The following TRAF6 variants were observed in gnomAD, a reference collection of about 807,000 sequenced individuals.
TRAF6 encodes TNF receptor-associated factor 6.
In TRAF6, 10 loss-of-function variants were observed where a neutral mutation model predicts 48.4. The observed-to-expected ratio is 0.21, with a 90% CI of 0.13 to 0.35. The LOEUF is 0.35. TRAF6 is among the 10% of genes least tolerant of loss of function. The pLI is 1.00. For synonymous variants in TRAF6, 186 were observed against 219.6 expected (o/e 0.85, Z 1.35); for missense variants, 397 against 661.0 (o/e 0.60, Z 4.38).
In TRAF6 at chr11:36,490,512, T is replaced by C. The variant is rs767244798; in HGVS notation, c.895A>G (p.Ile299Val). 2 of 1,614,000 alleles carry C rather than the reference T, an allele frequency of 1.2e-6. No individual in the cohort carries two copies. Among genetic ancestry groups the C allele is most frequent in the South Asian group, 1.1e-5 (1 of 91,076 alleles). The change falls in exon 7 of 7, where the codon ATT (isoleucine) becomes GTT (valine). Residue 299 changes from isoleucine to valine, a missense_variant. By Grantham distance (29) the Ile-to-Val change is conservative (BLOSUM62 3). Transcript: ENST00000526995. The surrounding 1 kb of genome is among the most constrained non-coding windows in gnomAD (Gnocchi z 6.4). ...ACAAGGCGACCCTCTAACTGGTGAA[T>C]AGTTTCCTGGAAATTCCGGACCTCT... ...ISEVRNFQET[I>V]HQLEGRLVRQ...
chr11:36,502,371 AT>A (rs1859729783), intron 1 of TRAF6, among the ~76,000 whole-genome samples: 1 of 152,364 alleles, frequency 6.6e-6, no homozygotes, highest in South Asian at 2.1e-4. Flanking sequence ...AGCAGATGAG[AT>A]ATCCTCAAAT....
Position 36,504,962 on chromosome 11 carries a change from G to A in TRAF6, c.-22-3425C>T, listed in dbSNP as rs184639504. 8.5e-4 allele frequency among the ~76,000 whole-genome samples: 130 copies of A among 152,296 alleles called. 1 individual carries two copies. The highest frequency in any genetic ancestry group is 1.9e-4 in the Non-Finnish European group (13 of 68,030). On this transcript the variant is annotated intron_variant, in intron 1 of 6. Transcript: ENST00000526995. Reference sequence around the variant, plus strand: ...CATCTCTCTTTCCTGAACAGTTCTTGACAGTGGGCTTAAAATATTCAGTAA... The same window carrying A: ...CATCTCTCTTTCCTGAACAGTTCTTAACAGTGGGCTTAAAATATTCAGTAA...
chr11:36,485,861 C>T lies in TRAF6; in HGVS notation c.*3977G>A, dbSNP rs560351329. Among the ~76,000 whole-genome samples, 1 of 152,240 alleles carries T rather than the reference C, an allele frequency of 6.6e-6. No individual in the cohort carries two copies. Among genetic ancestry groups the T allele is most frequent in the African/African-American group, 2.4e-5 (1 of 41,496 alleles). On this transcript the variant is annotated 3_prime_UTR_variant, in exon 7 of 7. Transcript: ENST00000526995. ...ATTTGTAAGTGCCAAGTACACTCTACAGGCACAAAGACAGAAACAGAGAAA... is the reference window on the plus strand; with the variant it reads ...ATTTGTAAGTGCCAAGTACACTCTATAGGCACAAAGACAGAAACAGAGAAA...
At position 36,498,626 on chromosome 11, in the gene TRAF6, T is replaced by C; in HGVS notation, c.311A>G (p.Lys104Arg). The change falls in exon 3 of 7, where the codon AAA becomes AGA. Residue 104 changes from lysine (K) to arginine (R), a missense_variant. By Grantham distance (26) the Lys-to-Arg change is conservative. Transcript: ENST00000526995. ...CAGTATTTCATTGTCAACTGGACAT[T>C]TGTGACCTGCATCCCTAACAGAAAC... ...IIKSIRDAGH[K>R]CPVDNEILLE... is the part of the protein sequence containing the mutation. 6.2e-7 allele frequency: 1 copy of C among 1,611,518 alleles called. No individual in the cohort carries two copies. The highest frequency in any genetic ancestry group is 8.5e-7 in the Non-Finnish European group (1 of 1,179,318).
chr11:36,500,550 A>G (rs1859702145), intron 2 of TRAF6, among the ~76,000 whole-genome samples: 1 of 152,304 alleles, frequency 6.6e-6, no homozygotes, highest in South Asian at 2.1e-4. Flanking sequence ...CAATGGTCTG[A>G]GCAGAGATGA....
chr11:36,500,109 T>C (rs1168039498), intron 2 of TRAF6, among the ~76,000 whole-genome samples: 1 of 152,222 alleles, frequency 6.6e-6, no homozygotes, highest in Admixed American at 6.5e-5. Flanking sequence ...TCTAATACTT[T>C]GCTCTCAAGG....
rs1859821095 is a variant in TRAF6 at position 36,507,691 on chromosome 11, G to GCGCGTGT, written c.-23+2356_-23+2357insACACGCG. Among the ~76,000 whole-genome samples, 5 of 58,478 alleles carry GCGCGTGT rather than the reference G, an allele frequency of 8.6e-5. 2 individuals are homozygous for GCGCGTGT. Among genetic ancestry groups the GCGCGTGT allele is most frequent in the African/African-American group, 3.2e-4 (5 of 15,500 alleles). The allele number at this position is 58,478 out of a possible 152,430, so 38.4% of individuals were successfully genotyped here. A position where few individuals can be genotyped will look rare whatever the true frequency, so the allele number is the denominator to read the frequency against. On this transcript the variant is annotated intron_variant, in intron 1 of 6. Coordinates refer to ENST00000526995, the MANE Select transcript of TRAF6 (RefSeq NM_004620.4). The stretch of plus-strand genomic sequence containing the variant: ...CGCGTGTATATATGTATACATACAC[G>GCGCGTGT]AGCGTGTATATATGTATACATACAC...
Position 36,485,214 on chromosome 11 carries a change from A to C in TRAF6, c.*4624T>G, listed in dbSNP as rs772340130. On this transcript the variant is annotated 3_prime_UTR_variant, in exon 7 of 7. Coordinates refer to ENST00000526995, the MANE Select transcript of TRAF6 (RefSeq NM_004620.4). ...TCATCAAGTGCTGAAGAAAAAAAGC[A>C]AAAAAAGTAACATCTGCGCCTTACC... Among the ~76,000 whole-genome samples the C allele has an allele frequency of 3.7e-4, 56 of 152,134 alleles. No individual in the cohort carries two copies. Among genetic ancestry groups the C allele is most frequent in the Non-Finnish European group, 6.5e-4 (44 of 68,030 alleles).
chr11:36,509,678 G>T lies in TRAF6; in HGVS notation c.-23+370C>A, dbSNP rs558935187. On this transcript the variant is annotated intron_variant, in intron 1 of 6. Transcript: ENST00000526995. ...CGGGGTTTTTTAGGGGGTGGAATGA[G>T]CGAGGAAGAGGAGGCCTGGGGAGCA... Among the ~76,000 whole-genome samples the T allele has an allele frequency of 1.6e-4, 25 of 152,310 alleles. No homozygotes were observed. The East Asian group carries it at 3.9e-3, about 24-fold the overall frequency.
Position 36,489,729 on chromosome 11 carries a change from GTAGA to G in TRAF6, c.*105_*108del, listed in dbSNP as rs1859535179. The G allele has an allele frequency of 8.6e-7, 1 of 1,163,734 alleles. No individual in the cohort carries two copies. Among genetic ancestry groups the G allele is most frequent in the Admixed American group, 2.2e-5 (1 of 44,530 alleles). 72.1% of individuals were successfully genotyped at this position (1,163,734 alleles called of 1,614,324 possible). On this transcript the variant is annotated 3_prime_UTR_variant, in exon 7 of 7. Transcript: ENST00000526995. ...GTGACCTCTCTAACAACACTCACTA[GTAGA>G]TATTACATATTTCCCGTGGCTTGTT...
intron 1 of TRAF6, among the ~76,000 whole-genome samples, 169 bp downstream of exon 1, chr11:36,509,879 T>C (rs1859881726): frequency 6.7e-6 from 1 of 150,102 alleles, no homozygotes; most frequent in Admixed American, 6.6e-5. Context: ...GCGGCGTCCC[T>C]GACCTGTGAA....
intron 2 of TRAF6, among the ~76,000 whole-genome samples, chr11:36,500,013 A>C (rs1168132004): frequency 3.3e-5 from 5 of 152,374 alleles, no homozygotes; most frequent in African/African-American, 9.6e-5. Flanking sequence ...ACTTTCATTC[A>C]GTTAAAGCAA....
chr11:36,492,622 T>C lies in TRAF6; in HGVS notation c.685A>G (p.Asn229Asp). ...GTAGGGCAGTCTAGATCATAATGAT[T>C]AGGCATCTGAAATCCAAAACAAAGG... ...NTILIREQMP[N>D]HYDLDCPTAP... is the part of the protein sequence containing the mutation. Residue 229 changes from asparagine to aspartate, a missense_variant, in exon 6 of 7, where the codon AAT becomes GAT. Transcript: ENST00000526995. 2.5e-6 allele frequency: 4 copies of C among 1,607,400 alleles called. No individual in the cohort carries two copies. Among genetic ancestry groups the C allele is most frequent in the Non-Finnish European group, 3.4e-6 (4 of 1,178,074 alleles).
At chr11:36,506,868 T>C (rs1478659311) in intron 1 of TRAF6, among the ~76,000 whole-genome samples, 1 of 152,178 alleles carries the variant, frequency 6.6e-6, no homozygotes, top group Non-Finnish European at 1.5e-5. Flanking sequence ...GTCCACAGTA[T>C]TTAGTTTCAT....
At position 36,510,031 on chromosome 11, in the gene TRAF6, G is replaced by A. The variant is rs1486337767; in HGVS notation, c.-23+17C>T. The A allele has an allele frequency of 6.6e-6, 1 of 152,434 alleles. No individual in the cohort carries two copies. Among genetic ancestry groups the A allele is most frequent in the Non-Finnish European group, 1.5e-5 (1 of 68,258 alleles). 9.4% of individuals were successfully genotyped at this position (152,434 alleles called of 1,614,324 possible). Reference sequence around the variant, plus strand: ...GAGGCGGCGGCCGCCAGGAGGAGGCGCCTGAAGGAGACTCACCGTTCTAGT... The same window carrying A: ...GAGGCGGCGGCCGCCAGGAGGAGGCACCTGAAGGAGACTCACCGTTCTAGT... On this transcript the variant is annotated intron_variant, in intron 1 of 6. Transcript: ENST00000526995.
At chr11:36,491,693 T>C (rs1011119891) in intron 6 of TRAF6, among the ~76,000 whole-genome samples, 1 of 152,230 alleles carries the variant, frequency 6.6e-6, no homozygotes, top group Non-Finnish European at 1.5e-5. Flanking sequence ...TTTCTTATAC[T>C]GTTTGTTCAT....
Position 36,495,056 on chromosome 11 carries a change from T to C in TRAF6, c.607-9A>G, listed in dbSNP as rs1304957905. The C allele has an allele frequency of 6.3e-7, 1 of 1,585,550 alleles. No individual in the cohort carries two copies. Among genetic ancestry groups the C allele is most frequent in the South Asian group, 1.1e-5 (1 of 89,138 alleles). On this transcript the variant is annotated splice_polypyrimidine_tract_variant and intron_variant, in intron 4 of 6. Coordinates refer to ENST00000526995, the MANE Select transcript of TRAF6 (RefSeq NM_004620.4). ...CAGTTCTGGTCATGGATCTGAATTTTATTAGAGAAATATAATTAAAGCATG... is the reference window on the plus strand; with the variant it reads ...CAGTTCTGGTCATGGATCTGAATTTCATTAGAGAAATATAATTAAAGCATG...
chr11:36,504,058 G>A (rs928819686), intron 1 of TRAF6, among the ~76,000 whole-genome samples: 7 of 152,116 alleles, frequency 4.6e-5, no homozygotes, highest in African/African-American at 1.7e-4. Flanking sequence ...AAATGCTAGC[G>A]ATCATCTGAG....
intron 6 of TRAF6, among the ~76,000 whole-genome samples, chr11:36,491,295 T>C (rs1859560208): frequency 6.6e-6 from 1 of 152,164 alleles, no homozygotes; most frequent in African/African-American, 2.4e-5. Flanking sequence ...ACATTCATAA[T>C]ACAACAATTT....
Sources: allele counts gnomAD v4.1 joint callset (sites outside exome capture counted in the v4.1 genomes callset), GRCh38; gene constraint gnomAD v4.1.1; non-coding constraint Gnocchi (gnomAD v3.1); transcripts MANE v1.5; gene names NCBI Gene and HGNC (gene_info 2026-07-23, HGNC 2026-07-21).